The following MSRA variants were observed in gnomAD, a reference collection of about 807,000 sequenced individuals.
MSRA encodes the protein mitochondrial peptide methionine sulfoxide reductase.
In MSRA, 54 loss-of-function variants were observed where a neutral mutation model predicts 31.3. The ratio of observed to expected loss-of-function variants is 1.73; its 90% CI spans 1.39 to 2.17. The LOEUF is 2.17. Among genes scored for constraint, MSRA ranks in the 30% most tolerant of loss-of-function variants. MSRA has a pLI of 0.00. For missense variants in MSRA, 507 were observed against 300.9 expected (o/e 1.69, Z -5.07); for synonymous variants, 169 against 116.5 (o/e 1.45, Z -2.90).
intron 5 of MSRA, among the ~76,000 whole-genome samples, chr8:10,390,878 A>C (rs989757070): frequency 5.3e-5 from 8 of 151,564 alleles, no homozygotes; most frequent in African/African-American, 1.9e-4. Flanking sequence ...CGGGAGGCTG[A>C]GGCAGGAGAA....
intron 1 of MSRA, among the ~76,000 whole-genome samples, chr8:10,098,891 G>A (rs1585141549): frequency 6.6e-6 from 1 of 152,214 alleles, no homozygotes; most frequent in African/African-American, 2.4e-5. Flanking sequence ...CTTCGAAGAC[G>A]TGGCTGCAAC....
chr8:10,388,765 G>A (rs1806550861), intron 5 of MSRA, among the ~76,000 whole-genome samples: 1 of 151,964 alleles, frequency 6.6e-6, no homozygotes, highest in African/African-American at 2.4e-5. Context: ...ATAATTCCGT[G>A]TTGGGGGAGG....
intron 1 of MSRA, among the ~76,000 whole-genome samples, chr8:10,168,438 A>C (rs1193161196): frequency 1.3e-5 from 2 of 152,148 alleles, no homozygotes; most frequent in Non-Finnish European, 2.9e-5. Flanking sequence ...CTTCCACTCC[A>C]TGCAGAATGT....
Position 10,318,859 on chromosome 8 carries a change from C to A in MSRA, c.437-1024C>A, listed in dbSNP as rs77319952. Among the ~76,000 whole-genome samples the A allele has an allele frequency of 2.1e-3, 318 of 152,290 alleles. 1 individual carries two copies. The highest frequency in any genetic ancestry group is 3.2e-3 in the Non-Finnish European group (215 of 68,020). On this transcript the variant is annotated intron_variant, in intron 4 of 5. Coordinates refer to ENST00000317173, the MANE Select transcript of MSRA (RefSeq NM_012331.5). The stretch of plus-strand genomic sequence containing the variant: ...AGAAGCGGGCATCAGGGCTTTGACA[C>A]AGATGCTTCCTGGGTTACAGCTGCT...
At chr8:10,186,029 T>C (rs894503775) in intron 1 of MSRA, among the ~76,000 whole-genome samples, 3 of 152,148 alleles carry the variant, frequency 2.0e-5, no homozygotes, top group Admixed American at 1.3e-4. Context: ...CATGGCACTT[T>C]CCACACAATA....
rs1305745748 is a variant in MSRA, at chr8:10,288,780, C to T, written c.332-12754C>T. Among the ~76,000 whole-genome samples the T allele has an allele frequency of 2.6e-5, 4 of 152,176 alleles. No individual in the cohort carries two copies. The East Asian group carries it at 7.7e-4, about 29-fold the overall frequency. The stretch of plus-strand genomic sequence containing the variant: ...TCCTGCCACATCCTTCCTATGTGAG[C>T]TATTTGTAAATAATGTACTATCCAA... On this transcript the variant is annotated intron_variant, in intron 3 of 5. Transcript: ENST00000317173.
intron 3 of MSRA, among the ~76,000 whole-genome samples, chr8:10,259,969 C>T (rs1798387250): frequency 6.6e-6 from 1 of 152,230 alleles, no homozygotes. Flanking sequence ...CCTCTGAGGA[C>T]CTCAACACAG....
intron 1 of MSRA, among the ~76,000 whole-genome samples, chr8:10,080,932 G>A (rs1018309246): frequency 6.6e-6 from 1 of 152,172 alleles, no homozygotes; most frequent in Non-Finnish European, 1.5e-5. Flanking sequence ...CTTCCATACC[G>A]CAGAAGGCTG....
intron 3 of MSRA, among the ~76,000 whole-genome samples, chr8:10,265,494 A>G (rs1563286634): frequency 6.6e-6 from 1 of 152,254 alleles, no homozygotes; most frequent in South Asian, 2.1e-4. Flanking sequence ...GGAAATAGAA[A>G]CTCAACAAAG....
intron 5 of MSRA, among the ~76,000 whole-genome samples, chr8:10,403,918 T>C (rs1487947803): frequency 6.6e-6 from 1 of 152,120 alleles, no homozygotes; most frequent in Non-Finnish European, 1.5e-5. Context: ...GTATGAGGAT[T>C]AAAGAAATAC....
intron 1 of MSRA, among the ~76,000 whole-genome samples, chr8:10,155,599 G>A (rs974704482): frequency 1.3e-5 from 2 of 152,150 alleles, no homozygotes; most frequent in African/African-American, 4.8e-5. Flanking sequence ...GAGAAATGGC[G>A]AGCCTGAGAT....
chr8:10,385,045 A>C (rs937516881), intron 5 of MSRA, among the ~76,000 whole-genome samples: 2 of 152,200 alleles, frequency 1.3e-5, no homozygotes, highest in Non-Finnish European at 2.9e-5. Context: ...GAGCTGCTGC[A>C]TAGGGTGTTG....
In MSRA at chr8:10,102,515, T is replaced by G. The variant is rs1240627634; in HGVS notation, c.142+47857T>G. 2.0e-5 allele frequency among the ~76,000 whole-genome samples: 3 copies of G among 152,218 alleles called. No individual in the cohort carries two copies. In the East Asian group the frequency reaches 5.8e-4, roughly 29 times the overall value. ...AAATTTGTTTCATGCCCATTTTTAG[T>G]TGTTTGTGGAAACATGTTTATAATG... On this transcript the variant is annotated intron_variant, in intron 1 of 5. Transcript: ENST00000317173.
At chr8:10,148,282 T>C (rs1803337031) in intron 1 of MSRA, among the ~76,000 whole-genome samples, 1 of 152,204 alleles carries the variant, frequency 6.6e-6, no homozygotes, top group Admixed American at 6.5e-5. Context: ...CTTTAATTTT[T>C]AGATCAGGGC....
chr8:10,297,369 C>T (rs566565600), intron 3 of MSRA, among the ~76,000 whole-genome samples: 9 of 152,242 alleles, frequency 5.9e-5, no homozygotes, highest in East Asian at 1.9e-4. Flanking sequence ...TTAAAGCCCC[C>T]GTAATGCTGC....
At chr8:10,135,478 A>G (rs1802207448) in intron 1 of MSRA, among the ~76,000 whole-genome samples, 1 of 152,206 alleles carries the variant, frequency 6.6e-6, no homozygotes. Context: ...CCAACGAGTA[A>G]TATTAATGAC....
chr8:10,290,082 C>T (rs1227840306), intron 3 of MSRA, among the ~76,000 whole-genome samples: 1 of 152,218 alleles, frequency 6.6e-6, no homozygotes, highest in Non-Finnish European at 1.5e-5. Flanking sequence ...TAAGTGGCCT[C>T]TCTAGCAGAT....
chr8:10,383,589 T>C (rs1806208313), intron 5 of MSRA, among the ~76,000 whole-genome samples: 1 of 152,016 alleles, frequency 6.6e-6, no homozygotes, highest in African/African-American at 2.4e-5. Flanking sequence ...GAGTTTGACA[T>C]TTGTAAAAAT....
At chr8:10,346,234 T>C (rs149938604) in intron 5 of MSRA, among the ~76,000 whole-genome samples, 181 of 152,324 alleles carry the variant, frequency 1.2e-3, no homozygotes, top group African/African-American at 4.2e-3. Flanking sequence ...GCTTTGCTTA[T>C]TCACTGAACC....
Sources: allele counts gnomAD v4.1 joint callset (sites outside exome capture counted in the v4.1 genomes callset), GRCh38; gene constraint gnomAD v4.1.1; transcripts MANE v1.5; gene names NCBI Gene and HGNC (gene_info 2026-07-23, HGNC 2026-07-21).